KIFC3: variants seen among roughly 807,000 people sequenced by gnomAD.
KIFC3 encodes the protein kinesin-like protein KIFC3.
KIFC3 carries 60 observed loss-of-function variants against 101.8 expected under a neutral mutation model. That is an observed-to-expected ratio of 0.59 (90% confidence interval 0.48 to 0.73). KIFC3 has a LOEUF of 0.73. Among genes scored for constraint, KIFC3 ranks in the 30% least tolerant of loss-of-function variants. KIFC3 has a pLI of 0.00. For synonymous variants in KIFC3, 476 were observed against 482.7 expected, an observed-to-expected ratio of 0.99 and a Z score of 0.18; for missense variants, 966 against 1,137.1, an observed-to-expected ratio of 0.85 and a Z score of 2.16.
chr16:57,792,141 A>G (rs1555620565), intron 3 of KIFC3, among the ~76,000 whole-genome samples: 9 of 152,194 alleles, frequency 5.9e-5, no homozygotes, highest in Non-Finnish European at 1.3e-4. Context: ...TGGCTTCCAG[A>G]AAGGGCAGAA....
rs1555598629 is a variant in KIFC3, at chr16:57,762,203, T to G, written c.1685A>C (p.Lys562Thr). 1.9e-6 allele frequency: 3 copies of G among 1,610,986 alleles called. No homozygotes were observed. In the Admixed American group the frequency reaches 5.0e-5, roughly 27 times the overall value. The change falls in exon 13 of 20, where the codon AAG (lysine) becomes ACG (threonine). Residue 562 changes from lysine (K) to threonine (T), a missense_variant. Transcript: ENST00000445690. ...LQLLFSEVQE[K>T]ASDWEYTITV... ...GATGGTGTACTCCCAGTCAGACGCCTTCTCCTGCACCTCGGAGAAGAGCAG... is the reference window on the plus strand; with the variant it reads ...GATGGTGTACTCCCAGTCAGACGCCGTCTCCTGCACCTCGGAGAAGAGCAG...
rs1342587144 is a variant in KIFC3, at chr16:57,758,601, GAGGCCCAC to G, written c.*325_*332del. On this transcript the variant is annotated 3_prime_UTR_variant, in exon 20 of 20. Coordinates refer to ENST00000445690, the MANE Select transcript of KIFC3 (RefSeq NM_001130100.2). ...AGAGGGGCCGAGAAAGCCTGGGTGAGAGGCCCACCCTCCTCCACACTCCCGCCCTCCTC... is the reference window on the plus strand; with the variant it reads ...AGAGGGGCCGAGAAAGCCTGGGTGAGCCTCCTCCACACTCCCGCCCTCCTC... The G allele has an allele frequency of 1.5e-6, 1 of 688,482 alleles. No homozygotes were observed. Among genetic ancestry groups the G allele is most frequent in the Non-Finnish European group, 2.7e-6 (1 of 376,548 alleles). 42.6% of individuals were successfully genotyped at this position (688,482 alleles called of 1,614,324 possible).
chr16:57,798,228 T>A lies in KIFC3; in HGVS notation c.16A>T (p.Arg6Trp), dbSNP rs1555624053. The change falls in exon 2 of 20, where the codon AGG becomes TGG. Residue 6 changes from arginine (R) to tryptophan (W), a missense_variant. By Grantham distance (101) the Arg-to-Trp change is moderately radical. This residue lies in a region of KIFC3 where 277 missense variants were observed against 252.5 expected (regional missense o/e 1.10). Transcript: ENST00000445690. ...GGCGTGGCTCCCAGGTTCCACGTCC[T>A]GCGAGAGGGGACCATGGCCTGGGGC... Reference protein sequence around the residue: MVPSRRTWNLGATPSL... With the variant: MVPSRWTWNLGATPSL... The A allele has an allele frequency of 6.4e-7, 1 of 1,551,286 alleles. No homozygotes were observed. The highest frequency in any genetic ancestry group is 8.7e-7 in the Non-Finnish European group (1 of 1,148,232).
chr16:57,816,349 T>G, intron 1 of KIFC3: 2 of 963,272 alleles, frequency 2.1e-6, no homozygotes, highest in East Asian at 6.0e-5. Context: ...TCCTGGGGCC[T>G]GCCCCTCCTG....
Position 57,851,559 on chromosome 16 carries a change from G to T in KIFC3, c.108+11170C>A, listed in dbSNP as rs540913582. Among the ~76,000 whole-genome samples, 5 of 143,828 alleles carry T rather than the reference G, an allele frequency of 3.5e-5. No individual in the cohort carries two copies. The Admixed American group carries it at 3.7e-4, about 11-fold the overall frequency. 94.4% of individuals were successfully genotyped at this position (143,828 alleles called of 152,430 possible). Reference sequence around the variant, plus strand: ...TGTCTCTGGAACTATTATAATATTCGTTCGTTCATTCTTTTTTTTTTTTTT... The same window carrying T: ...TGTCTCTGGAACTATTATAATATTCTTTCGTTCATTCTTTTTTTTTTTTTT... On this transcript the variant is annotated intron_variant, in intron 1 of 2. Transcript: ENST00000563028.
chr16:57,843,094 T>C (rs1296716894), intron 1 of KIFC3, among the ~76,000 whole-genome samples: 1 of 152,058 alleles, frequency 6.6e-6, no homozygotes, highest in Admixed American at 6.6e-5. Context: ...GATCACACCA[T>C]TGCACTCTAG....
intron 1 of KIFC3, among the ~76,000 whole-genome samples, chr16:57,834,360 T>G (rs1187628643): frequency 6.6e-6 from 1 of 152,152 alleles, no homozygotes; most frequent in Non-Finnish European, 1.5e-5. Flanking sequence ...CTCCCTGACA[T>G]TTTTTGAACA....
chr16:57,760,870 G>A lies in KIFC3; in HGVS notation c.2088C>T (p.His696=). The change falls in exon 16 of 20, where the codon CAC becomes CAT. Residue 696 remains histidine, a synonymous_variant. Coordinates refer to ENST00000445690, the MANE Select transcript of KIFC3 (RefSeq NM_001130100.2). ...CCAGAGCCGACAGCGACTTGTTGAT[G>A]TGCTGCGCCTCCCGCAGGCGGCTGC... ...AEGSRLREAQ[H]INKSLSALGD... is the part of the protein sequence containing the mutation. The A allele has an allele frequency of 6.2e-7, 1 of 1,612,456 alleles. No homozygotes were observed. Among genetic ancestry groups the A allele is most frequent in the Non-Finnish European group, 8.5e-7 (1 of 1,179,926 alleles).
upstream of KIFC3, among the ~76,000 whole-genome samples, chr16:57,803,904 G>A (rs150855675): frequency 1.8e-4 from 28 of 152,264 alleles, no homozygotes; most frequent in African/African-American, 5.8e-4. Flanking sequence ...CCAGGGGACC[G>A]CAAGGGTGGA....
In KIFC3 at chr16:57,758,671, GA is replaced by G. The variant is rs1370514303; in HGVS notation, c.*262del. ...TTCGCTGATGGCCCAGGCCTGCCAG[GA>G]AGAGCAGCCACCCCCGCCTTTCCGC... On this transcript the variant is annotated 3_prime_UTR_variant, in exon 20 of 20. Transcript: ENST00000445690. The G allele has an allele frequency of 1.4e-6, 1 of 710,430 alleles. No individual in the cohort carries two copies. The allele number at this position is 710,430 out of a possible 1,614,324, so 44.0% of individuals were successfully genotyped here.
At chr16:57,787,074 C>T (rs1210222015) in intron 3 of KIFC3, among the ~76,000 whole-genome samples, 2 of 152,228 alleles carry the variant, frequency 1.3e-5, no homozygotes, top group South Asian at 2.1e-4. Flanking sequence ...CAAGCTCCTG[C>T]GATCTGTTCT....
In KIFC3 at chr16:57,800,415, G is replaced by A. The variant is rs1311587658; in HGVS notation, c.-40+1955C>T. Among the ~76,000 whole-genome samples the A allele has an allele frequency of 4.6e-5, 7 of 152,204 alleles. No individual in the cohort carries two copies. The East Asian group carries it at 1.3e-3, about 29-fold the overall frequency. ...AAGAAACCAAGGGGAGCAGCCAAAT[G>A]TCCTCTTCTCCAGGCTGCCTGGCAC... On this transcript the variant is annotated intron_variant, in intron 1 of 19. Transcript: ENST00000445690.
intron 1 of KIFC3, among the ~76,000 whole-genome samples, chr16:57,822,239 C>T (rs1555630013): frequency 1.3e-5 from 2 of 152,152 alleles, no homozygotes; most frequent in African/African-American, 4.8e-5. Flanking sequence ...CCTCTCTGAG[C>T]CTGTTTCCTT....
At chr16:57,794,970 C>T (rs782260322) in intron 3 of KIFC3, 29 bp downstream of exon 3, 3 of 1,518,916 alleles carry the variant, frequency 2.0e-6, no homozygotes, top group African/African-American at 1.4e-5. Flanking sequence ...AGCCAAGGCA[C>T]ATGCAGCCTG....
At chr16:57,834,861 T>C (rs1340871630) in intron 1 of KIFC3, among the ~76,000 whole-genome samples, 1 of 152,224 alleles carries the variant, frequency 6.6e-6, no homozygotes, top group Non-Finnish European at 1.5e-5. Flanking sequence ...CCTATTGGTG[T>C]CTCTACTGCA....
intron 1 of KIFC3, among the ~76,000 whole-genome samples, chr16:57,820,858 T>C (rs533288856): frequency 7.2e-4 from 109 of 152,242 alleles, no homozygotes; most frequent in African/African-American, 2.6e-3. Flanking sequence ...CAGTGGCTCA[T>C]GCCTATTATC....
intron 1 of KIFC3, among the ~76,000 whole-genome samples, chr16:57,808,604 A>G (rs1468712304): frequency 3.9e-5 from 6 of 152,180 alleles, no homozygotes; most frequent in African/African-American, 7.2e-5. Context: ...GAGGAAAAAC[A>G]CAAAAACTAA....
chr16:57,860,967 C>T (rs1800248203), intron 1 of KIFC3, among the ~76,000 whole-genome samples: 1 of 152,112 alleles, frequency 6.6e-6, no homozygotes, highest in Non-Finnish European at 1.5e-5. Flanking sequence ...CCATCTCAGC[C>T]TCCCAAAGTG....
At position 57,766,904 on chromosome 16, in the gene KIFC3, T is replaced by C; in HGVS notation, c.1300A>G (p.Lys434Glu). The C allele has an allele frequency of 6.2e-7, 1 of 1,611,718 alleles. No homozygotes were observed. The highest frequency in any genetic ancestry group is 8.5e-7 in the Non-Finnish European group (1 of 1,179,952). ...KYRRELQLRK[K>E]CHNELVRLKG... ...AGCCGCACGAGCTCATTGTGGCACT[T>C]CTTACGCAGCTGCAGCTCGCGGCGG... Residue 434 changes from lysine to glutamate, a missense_variant, in exon 10 of 20, where the codon AAG becomes GAG. Around this residue, in one of 2 missense-constraint regions of KIFC3, gnomAD observed 689 missense variants for 884.6 expected, o/e 0.78. Coordinates refer to ENST00000445690, the MANE Select transcript of KIFC3 (RefSeq NM_001130100.2).
Sources: allele counts gnomAD v4.1 joint callset (sites outside exome capture counted in the v4.1 genomes callset), GRCh38; gene constraint gnomAD v4.1.1; regional missense constraint gnomAD v4.1.1; transcripts MANE v1.5; gene names NCBI Gene and HGNC (gene_info 2026-07-23, HGNC 2026-07-21).